Variants in FANCL observed in about 807,000 individuals in gnomAD.
FANCL encodes the protein FA complementation group L, also known as E3 ubiquitin-protein ligase FANCL.
In FANCL, 69 loss-of-function variants were observed where a neutral mutation model predicts 59.4. The observed-to-expected ratio is 1.16, with a 90% CI of 0.96 to 1.42. FANCL has a LOEUF of 1.42. Ranked by LOEUF, FANCL falls within the 40% of genes most tolerant of loss-of-function variation. The pLI is 0.00. For missense variants in FANCL, 519 were observed against 447.2 expected (o/e 1.16, Z -1.45); for synonymous variants, 180 against 147.1 (o/e 1.22, Z -1.62).
In FANCL at chr2:58,221,833, C is replaced by T; in HGVS notation, c.374+109G>A. The T allele has an allele frequency of 5.4e-6, 4 of 747,434 alleles. 1 individual carries two copies. The South Asian group carries it at 6.2e-5, about 12-fold the overall frequency. 46.3% of individuals were successfully genotyped at this position (747,434 alleles called of 1,614,324 possible). On this transcript the variant is annotated intron_variant, in intron 5 of 13. Transcript: ENST00000233741. The stretch of plus-strand genomic sequence containing the variant: ...CAATAAGGATCAAATACTCTAGTTA[C>T]AATTAAACACTTTGACTAAAATCAG...
At chr2:58,185,213 A>G (rs1688286777) in intron 7 of FANCL, among the ~76,000 whole-genome samples, 1 of 152,164 alleles carries the variant, frequency 6.6e-6, no homozygotes, top group Admixed American at 6.6e-5. Flanking sequence ...ACATCTCCAC[A>G]TCATTTGAAA....
At chr2:58,179,233 CT>C (rs914002703) in intron 7 of FANCL, among the ~76,000 whole-genome samples, 107 of 152,244 alleles carry the variant, frequency 7.0e-4, no homozygotes, top group African/African-American at 2.4e-3. Flanking sequence ...AAAAAAACTA[CT>C]TTACATTTCA....
At chr2:58,217,178 A>ATTTATATATTT (rs1558806409) in intron 5 of FANCL, among the ~76,000 whole-genome samples, 2 of 8,822 alleles carry the variant, frequency 2.3e-4, no homozygotes, top group African/African-American at 8.7e-4. Flanking sequence ...ATATATATAT[A>ATTTATATATTT]TATATATATA....
At chr2:58,191,752 T>A (rs1376542539) in intron 7 of FANCL, among the ~76,000 whole-genome samples, 1 of 151,798 alleles carries the variant, frequency 6.6e-6, no homozygotes, top group African/African-American at 2.4e-5. Flanking sequence ...AGAGACTACT[T>A]CTTTGCCCAT....
At chr2:58,185,625 G>C (rs1688324462) in intron 7 of FANCL, among the ~76,000 whole-genome samples, 1 of 152,120 alleles carries the variant, frequency 6.6e-6, no homozygotes, top group Admixed American at 6.6e-5. Flanking sequence ...TTATGAATGA[G>C]TCAAAGACCC....
intron 7 of FANCL, among the ~76,000 whole-genome samples, chr2:58,179,782 G>A (rs1231148030): frequency 1.3e-5 from 2 of 152,076 alleles, no homozygotes; most frequent in East Asian, 3.8e-4. Flanking sequence ...TATCATTAGA[G>A]TGAACAGGCA....
At chr2:58,175,885 C>T (rs1263290160) in intron 7 of FANCL, among the ~76,000 whole-genome samples, 12 of 151,936 alleles carry the variant, frequency 7.9e-5, no homozygotes, top group Admixed American at 7.9e-4. Flanking sequence ...TAGAAAACCC[C>T]ATTGTCTCAG....
At chr2:58,235,165 C>T (rs2103965918) in intron 1 of FANCL, among the ~76,000 whole-genome samples, 1 of 151,864 alleles carries the variant, frequency 6.6e-6, no homozygotes, top group Admixed American at 6.6e-5. Context: ...GAGAGAAATG[C>T]ATGGAGAGTA....
At chr2:58,172,621 C>T (rs892763157) in intron 7 of FANCL, among the ~76,000 whole-genome samples, 1 of 152,084 alleles carries the variant, frequency 6.6e-6, no homozygotes. Context: ...GACATCCACA[C>T]CAAAAACCCA....
chr2:58,222,481 A>G (rs1159913462), intron 4 of FANCL, among the ~76,000 whole-genome samples: 1 of 152,072 alleles, frequency 6.6e-6, no homozygotes, highest in Non-Finnish European at 1.5e-5. Context: ...TATGAACCAC[A>G]TCCTAACAAA....
intron 7 of FANCL, among the ~76,000 whole-genome samples, chr2:58,197,374 G>A (rs78812734): frequency 2.0e-5 from 3 of 151,850 alleles, no homozygotes; most frequent in East Asian, 3.9e-4. Context: ...TAGCCAAAAT[G>A]AGTAGCCTCC....
chr2:58,166,549 A>T (rs1402568144), intron 7 of FANCL, among the ~76,000 whole-genome samples: 1 of 152,232 alleles, frequency 6.6e-6, no homozygotes, highest in Non-Finnish European at 1.5e-5. Flanking sequence ...TGACTTTAAA[A>T]ATCAGTTTTT....
intron 4 of FANCL, among the ~76,000 whole-genome samples, chr2:58,226,199 T>C (rs1355478265): frequency 6.6e-6 from 1 of 152,136 alleles, no homozygotes; most frequent in Non-Finnish European, 1.5e-5. Flanking sequence ...TCTTCTTTTG[T>C]TTATGTTGAA....
chr2:58,236,214 G>A lies in FANCL; in HGVS notation c.97-4102C>T, dbSNP rs192652413. On this transcript the variant is annotated intron_variant, in intron 1 of 13. Coordinates refer to ENST00000233741, the MANE Select transcript of FANCL (RefSeq NM_018062.4). ...ACACATCAAAGTGACTGAAACCAAT[G>A]ACCAAAAAGAAAAATCTTAAAAGCA... Among the ~76,000 whole-genome samples the A allele has an allele frequency of 4.9e-4, 74 of 151,734 alleles. 3 individuals are homozygous for A. In the East Asian group the frequency reaches 0.013, roughly 27 times the overall value.
chr2:58,225,279 T>C (rs1692885205), intron 4 of FANCL, among the ~76,000 whole-genome samples: 2 of 151,012 alleles, frequency 1.3e-5, no homozygotes, highest in South Asian at 4.1e-4. Context: ...CACCAACTCA[T>C]TATTCTAAAA....
chr2:58,222,095 G>T, intron 4 of FANCL, 53 bp from the exon 5 acceptor site: 2 of 1,220,694 alleles, frequency 1.6e-6, no homozygotes, highest in Non-Finnish European at 2.4e-6. Context: ...ACAATGAACT[G>T]TTAATACCTG....
chr2:58,159,258 A>G lies in FANCL; in HGVS notation c.*507T>C. 1.0e-6 allele frequency: 1 copy of G among 1,002,984 alleles called. No individual in the cohort carries two copies. The highest frequency in any genetic ancestry group is 2.5e-5 in the Admixed American group (1 of 39,672). The allele number at this position is 1,002,984 out of a possible 1,614,324, so 62.1% of individuals were successfully genotyped here. On this transcript the variant is annotated 3_prime_UTR_variant, in exon 14 of 14. Coordinates refer to ENST00000233741, the MANE Select transcript of FANCL (RefSeq NM_018062.4). Reference sequence around the variant, plus strand: ...ACGCAAAAACTTGATCTTGTATAACATTTTATTTAGCATTCTTACACACTA... The same window carrying G: ...ACGCAAAAACTTGATCTTGTATAACGTTTTATTTAGCATTCTTACACACTA...
intron 3 of FANCL, among the ~76,000 whole-genome samples, chr2:58,228,150 C>T (rs565605898): frequency 6.6e-6 from 1 of 151,676 alleles, no homozygotes; most frequent in Non-Finnish European, 1.5e-5. Flanking sequence ...CCATATTAGT[C>T]AAAATGGAGA....
chr2:58,183,778 C>CA (rs1239027814), intron 7 of FANCL, among the ~76,000 whole-genome samples: 7 of 151,668 alleles, frequency 4.6e-5, no homozygotes, highest in Admixed American at 2.0e-4. Flanking sequence ...CACAGTATAG[C>CA]AAAAAAATAC....
Sources: gnomAD v4.1 joint callset for allele counts (sites outside exome capture counted in the v4.1 genomes callset) on GRCh38, gnomAD v4.1.1 for gene constraint, MANE v1.5 for transcripts, NCBI Gene and HGNC (gene_info 2026-07-23, HGNC 2026-07-21) for gene names.